KCNIP1: variants seen among roughly 807,000 people sequenced by gnomAD.
KCNIP1 encodes the protein A-type potassium channel modulatory protein KCNIP1.
Under a neutral mutation model 33.0 loss-of-function variants are expected in KCNIP1, and 18 were observed. The ratio of observed to expected loss-of-function variants is 0.55; its 90% CI spans 0.38 to 0.81. KCNIP1 has a LOEUF of 0.81. Ranked by LOEUF, KCNIP1 falls within the 30% of genes least tolerant of loss-of-function variation. KCNIP1 has a pLI of 0.00. For synonymous variants in KCNIP1, 93 were observed against 98.3 expected, an observed-to-expected ratio of 0.95 and a Z score of 0.32; for missense variants, 238 against 271.6, an observed-to-expected ratio of 0.88 and a Z score of 0.87.
intron 1 of KCNIP1, among the ~76,000 whole-genome samples, chr5:170,615,952 C>T (rs761604611): frequency 7.9e-5 from 12 of 152,222 alleles, no homozygotes; most frequent in South Asian, 6.2e-4. Flanking sequence ...TCCAGAAAGG[C>T]GAGAGTTGCA....
chr5:170,463,130 AT>A (rs1201823168), intron 1 of KCNIP1, among the ~76,000 whole-genome samples: 6 of 152,246 alleles, frequency 3.9e-5, no homozygotes, highest in South Asian at 2.1e-4. Flanking sequence ...AATAAAAAAA[AT>A]AAAAATAAAA....
At chr5:170,461,266 A>G (rs1191752642) in intron 1 of KCNIP1, among the ~76,000 whole-genome samples, 11 of 152,310 alleles carry the variant, frequency 7.2e-5, no homozygotes, top group Non-Finnish European at 1.5e-4. Flanking sequence ...GTGCAATTCC[A>G]TCAAAATACT....
At chr5:170,675,205 G>A (rs1368243975) in intron 1 of KCNIP1, among the ~76,000 whole-genome samples, 3 of 151,868 alleles carry the variant, frequency 2.0e-5, no homozygotes, top group Non-Finnish European at 4.4e-5. Flanking sequence ...AGGCTAAGGT[G>A]GGGGGATCAC....
intron 1 of KCNIP1, among the ~76,000 whole-genome samples, chr5:170,538,067 GGAA>G (rs1166458207): frequency 6.6e-6 from 1 of 152,206 alleles, no homozygotes; most frequent in African/African-American, 2.4e-5. Flanking sequence ...AGCCCTGGGA[GGAA>G]GCTACTACAG....
At chr5:170,364,616 G>C (rs1763606305) in intron 1 of KCNIP1, among the ~76,000 whole-genome samples, 1 of 151,972 alleles carries the variant, frequency 6.6e-6, no homozygotes, top group African/African-American at 2.4e-5. Context: ...AATACCCCCA[G>C]GCTCTCTCCC....
At chr5:170,695,241 T>A (rs188111554) in intron 1 of KCNIP1, among the ~76,000 whole-genome samples, 1 of 152,354 alleles carries the variant, frequency 6.6e-6, no homozygotes, top group East Asian at 1.9e-4. Flanking sequence ...CTCATCTGTC[T>A]GTTTCAAAGT....
At chr5:170,372,691 A>T (rs1763877995) in intron 1 of KCNIP1, among the ~76,000 whole-genome samples, 1 of 152,352 alleles carries the variant, frequency 6.6e-6, no homozygotes, top group East Asian at 1.9e-4. Context: ...GAAGCACTAG[A>T]TGATCTCTAA....
At chr5:170,581,100 C>A (rs1757778731) in intron 1 of KCNIP1, among the ~76,000 whole-genome samples, 1 of 152,216 alleles carries the variant, frequency 6.6e-6, no homozygotes, top group African/African-American at 2.4e-5. Flanking sequence ...GGTATTATTC[C>A]TCCCAGATGC....
intron 1 of KCNIP1, among the ~76,000 whole-genome samples, chr5:170,401,344 C>G (rs1754896476): frequency 6.6e-6 from 1 of 152,210 alleles, no homozygotes; most frequent in South Asian, 2.1e-4. Flanking sequence ...CATTTACACT[C>G]AGAGTGAATA....
chr5:170,727,562 G>T (rs1477996997), intron 5 of KCNIP1, among the ~76,000 whole-genome samples: 2 of 152,160 alleles, frequency 1.3e-5, no homozygotes, highest in Non-Finnish European at 2.9e-5. Context: ...AAAAAATCCT[G>T]TGAAATAAAG....
chr5:170,445,302 T>TTGAATGAA (rs58668795), intron 1 of KCNIP1, among the ~76,000 whole-genome samples: 24,117 of 151,822 alleles, frequency 0.16, 1,993 homozygotes, highest in East Asian at 0.27. Flanking sequence ...TGCTCATTCG[T>TTGAATGAA]TGAATGAATG....
At chr5:170,677,171 A>C (rs1286198331) in intron 1 of KCNIP1, among the ~76,000 whole-genome samples, 1 of 152,218 alleles carries the variant, frequency 6.6e-6, no homozygotes, top group Non-Finnish European at 1.5e-5. Flanking sequence ...AATTCATCTT[A>C]ATCTCACAAC....
At position 170,718,889 on chromosome 5, in the gene KCNIP1, C is replaced by A. The variant is rs767941388; in HGVS notation, c.186+7C>A. The A allele has an allele frequency of 2.5e-5, 41 of 1,607,926 alleles. No individual in the cohort carries two copies. The highest frequency in any genetic ancestry group is 3.1e-5 in the Non-Finnish European group (36 of 1,178,314). On this transcript the variant is annotated splice_region_variant and intron_variant, in intron 2 of 7. Transcript: ENST00000328939. ...TTATCGAGGCTTCAAAAATGTAAGA[C>A]CCGTGCACGCTCTGAAGGCCTGGGG...
intron 1 of KCNIP1, among the ~76,000 whole-genome samples, chr5:170,395,271 A>G (rs1432408978): frequency 6.6e-6 from 1 of 152,078 alleles, no homozygotes; most frequent in Non-Finnish European, 1.5e-5. Flanking sequence ...TTATTTTTTT[A>G]CTTTTTAGTA....
intron 1 of KCNIP1, among the ~76,000 whole-genome samples, chr5:170,390,722 C>G (rs896306994): frequency 6.6e-6 from 1 of 151,546 alleles, no homozygotes; most frequent in Non-Finnish European, 1.5e-5. Context: ...TCGAAGCTGG[C>G]CCTTCCAGAT....
intron 7 of KCNIP1, among the ~76,000 whole-genome samples, chr5:170,735,441 T>C (rs1224664297): frequency 6.6e-6 from 1 of 152,234 alleles, no homozygotes; most frequent in East Asian, 1.9e-4. Context: ...GTCAGTGTAA[T>C]TAATCACATT....
rs971633283 is a variant in KCNIP1, at chr5:170,489,537, T to TC, written c.88+135576dup. ...CCCCTTCTCTTGGTCCCCTGCCTCC[T>TC]CCCACTGGTGTGCACCCACACCTTC... On this transcript the variant is annotated intron_variant, in intron 1 of 7. Transcript: ENST00000377360. This position sits in a 1 kb window ranked among gnomAD's most constrained non-coding sequence, Gnocchi z 4.3. 4.0e-4 allele frequency among the ~76,000 whole-genome samples: 61 copies of TC among 151,672 alleles called. No homozygotes were observed. The highest frequency in any genetic ancestry group is 1.4e-3 in the African/African-American group (60 of 41,518).
chr5:170,605,742 T>C (rs933822824), intron 1 of KCNIP1, among the ~76,000 whole-genome samples: 1 of 151,908 alleles, frequency 6.6e-6, no homozygotes, highest in African/African-American at 2.4e-5. Context: ...ATCTACGTTG[T>C]AGCATGGGTC....
chr5:170,419,011 GTC>G (rs1053011889), intron 1 of KCNIP1, among the ~76,000 whole-genome samples: 2 of 152,196 alleles, frequency 1.3e-5, no homozygotes, highest in African/African-American at 4.8e-5. Context: ...TTTCTTATAT[GTC>G]TCTGTATCCC....
Sources: allele counts gnomAD v4.1 joint callset (sites outside exome capture counted in the v4.1 genomes callset), GRCh38; gene constraint gnomAD v4.1.1; non-coding constraint Gnocchi (gnomAD v3.1); transcripts MANE v1.5; gene names NCBI Gene and HGNC (gene_info 2026-07-23, HGNC 2026-07-21).